Variants in RAD52 observed in about 807,000 individuals in gnomAD.
RAD52 encodes the protein DNA repair protein RAD52 homolog.
RAD52 carries 47 observed loss-of-function variants against 55.5 expected under a neutral mutation model. The ratio of observed to expected loss-of-function variants is 0.85; its 90% confidence interval spans 0.67 to 1.08. The LOEUF (loss-of-function observed/expected upper bound fraction) is 1.08. Among genes scored for constraint, RAD52 ranks in the 50% least tolerant of loss-of-function variants. The pLI is 0.00. For missense variants in RAD52, 468 were observed against 522.8 expected (o/e 0.90, Z 1.02); for synonymous variants, 184 against 198.9 (o/e 0.92, Z 0.63).
chr12:916,494 G>GGGC lies in RAD52; in HGVS notation c.726-14_726-12dup. Reference sequence around the variant, plus strand: ...GATGAGCTCAGGCTTCTGCATGAGAGGGCGGCGGCGAGGACGGGCTCCTGA... The same window carrying GGGC: ...GATGAGCTCAGGCTTCTGCATGAGAGGGCGGCGGCGGCGAGGACGGGCTCCTGA... On this transcript the variant is annotated splice_polypyrimidine_tract_variant and intron_variant, in intron 8 of 11. Transcript: ENST00000358495. The GGGC allele has an allele frequency of 6.2e-7, 1 of 1,606,440 alleles. No homozygotes were observed. The highest frequency in any genetic ancestry group is 8.5e-7 in the Non-Finnish European group (1 of 1,178,644).
At chr12:950,184 C>G (rs1030000464), upstream of RAD52, among the ~76,000 whole-genome samples, 1 of 152,212 alleles carries the variant, frequency 6.6e-6, no homozygotes, top group African/African-American at 2.4e-5. Context: ...TCACCACCGC[C>G]GCGCACATCC....
intron 1 of RAD52, among the ~76,000 whole-genome samples, chr12:947,903 C>CA (rs1240013021): frequency 2.8e-5 from 3 of 109,046 alleles, no homozygotes; most frequent in Non-Finnish European, 3.9e-5. Flanking sequence ...AAAAAAAAAA[C>CA]AAAAAAAAAA....
At chr12:922,907 T>C (rs886436362) in intron 7 of RAD52, among the ~76,000 whole-genome samples, 1 of 152,106 alleles carries the variant, frequency 6.6e-6, no homozygotes, top group Admixed American at 6.6e-5. Context: ...CTTGGCTCAC[T>C]GCAGCCTCCA....
intron 7 of RAD52, among the ~76,000 whole-genome samples, chr12:923,173 GA>G (rs899644093): frequency 6.5e-4 from 97 of 150,318 alleles, no homozygotes; most frequent in Admixed American, 1.9e-3. Context: ...TTTTAAAAAA[GA>G]AAAAAAGATC....
intron 1 of RAD52, among the ~76,000 whole-genome samples, chr12:945,672 G>C (rs1304781576): frequency 6.6e-6 from 1 of 150,810 alleles, no homozygotes; most frequent in South Asian, 2.1e-4. Context: ...CTGACCTCAG[G>C]TGATCTGCCC....
chr12:968,895 G>T (rs773819394), intron 1 of RAD52, among the ~76,000 whole-genome samples: 5 of 151,984 alleles, frequency 3.3e-5, no homozygotes, highest in Non-Finnish European at 5.9e-5. Context: ...AATAAATAAA[G>T]AATTGGTGAG....
chr12:987,567 T>C (rs1230758942), intron 1 of RAD52, among the ~76,000 whole-genome samples: 1 of 151,286 alleles, frequency 6.6e-6, no homozygotes, highest in Non-Finnish European at 1.5e-5. Context: ...TTTTCTTTTT[T>C]TTTTTTTTCC....
At chr12:987,640 A>G (rs1001093831) in intron 1 of RAD52, among the ~76,000 whole-genome samples, 2 of 150,118 alleles carry the variant, frequency 1.3e-5, no homozygotes, top group Non-Finnish European at 1.5e-5. Flanking sequence ...AGTTCACTGC[A>G]ACCTCTGCCT....
intron 1 of RAD52, among the ~76,000 whole-genome samples, chr12:966,070 G>A (rs2154120952): frequency 6.6e-6 from 1 of 152,116 alleles, no homozygotes; most frequent in South Asian, 2.1e-4. Flanking sequence ...TCAACCTCCT[G>A]GGCTCAAGCC....
intron 1 of RAD52, among the ~76,000 whole-genome samples, chr12:938,510 C>G (rs1429675527): frequency 6.6e-6 from 1 of 152,086 alleles, no homozygotes; most frequent in African/African-American, 2.4e-5. Flanking sequence ...TGGTACAATT[C>G]CCGTCTCTAC....
At chr12:955,972 G>C (rs563179938) in intron 1 of RAD52, among the ~76,000 whole-genome samples, 110 of 152,150 alleles carry the variant, frequency 7.2e-4, no homozygotes, top group African/African-American at 2.2e-3. Flanking sequence ...GTAGAGAGAG[G>C]GTTTCACCAT....
At chr12:936,128 AC>A (rs1235773730) in intron 1 of RAD52, among the ~76,000 whole-genome samples, 1 of 150,700 alleles carries the variant, frequency 6.6e-6, no homozygotes, top group African/African-American at 2.4e-5. Flanking sequence ...ACATGGTGAA[AC>A]CCCATCTCTA....
chr12:918,795 C>T (rs1018838995), intron 7 of RAD52, among the ~76,000 whole-genome samples: 1 of 152,056 alleles, frequency 6.6e-6, no homozygotes, highest in African/African-American at 2.4e-5. Flanking sequence ...TGGGCCTTCT[C>T]GGTACTGGCA....
intron 1 of RAD52, among the ~76,000 whole-genome samples, chr12:934,253 G>C (rs1259586917): frequency 6.6e-6 from 1 of 151,922 alleles, no homozygotes; most frequent in African/African-American, 2.4e-5. Context: ...GATCACCTGA[G>C]GTCAGGAGTT....
chr12:921,455 T>TA (rs1956723162), intron 7 of RAD52, among the ~76,000 whole-genome samples: 1 of 151,574 alleles, frequency 6.6e-6, no homozygotes, highest in Non-Finnish European at 1.5e-5. Flanking sequence ...GTACAAAAAA[T>TA]AAAAAAATTA....
intron 1 of RAD52, among the ~76,000 whole-genome samples, chr12:940,175 A>T (rs996737125): frequency 6.6e-6 from 1 of 152,126 alleles, no homozygotes; most frequent in Non-Finnish European, 1.5e-5. Flanking sequence ...AAACACCAAC[A>T]AAGAATTCCG....
In RAD52 at chr12:938,058, C is replaced by T. The variant is rs536481512; in HGVS notation, c.-18-4982G>A. ...TCCTTTCCTGTCTCCCTTCCCCGCT[C>T]CTCTACTGTGTAAAGGACTAATCTC... On this transcript the variant is annotated intron_variant, in intron 1 of 11. Coordinates refer to ENST00000358495, the MANE Select transcript of RAD52 (RefSeq NM_134424.4). Among the ~76,000 whole-genome samples the T allele has an allele frequency of 3.9e-5, 6 of 152,264 alleles. 1 individual carries two copies. The South Asian group carries it at 1.2e-3, about 32-fold the overall frequency.
At chr12:969,325 G>GATTC (rs1250680158) in intron 1 of RAD52, among the ~76,000 whole-genome samples, 2 of 151,964 alleles carry the variant, frequency 1.3e-5, no homozygotes, top group African/African-American at 4.8e-5. Flanking sequence ...AATGAGAACT[G>GATTC]ATTCATACCA....
intron 1 of RAD52, among the ~76,000 whole-genome samples, chr12:984,282 G>A (rs1344239268): frequency 1.3e-5 from 2 of 151,936 alleles, no homozygotes; most frequent in African/African-American, 4.8e-5. Context: ...TGCAACCTCC[G>A]CCTCCCGGGT....
Sources: allele counts gnomAD v4.1 joint callset (sites outside exome capture counted in the v4.1 genomes callset), GRCh38; gene constraint gnomAD v4.1.1; transcripts MANE v1.5; gene names NCBI Gene and HGNC (gene_info 2026-07-23, HGNC 2026-07-21).